Variants in ARHGAP15 observed in about 807,000 individuals in gnomAD.
ARHGAP15 encodes Rho GTPase activating protein 15, also known as rho GTPase-activating protein 15.
ARHGAP15 carries 51 observed loss-of-function variants against 63.7 expected under a neutral mutation model. That is an observed-to-expected ratio of 0.80 (90% CI 0.64 to 1.01). ARHGAP15 has a LOEUF of 1.01. Ranked by LOEUF, ARHGAP15 falls within the 50% of genes least tolerant of loss-of-function variation. The pLI is 0.00. For synonymous variants in ARHGAP15, 191 were observed against 193.8 expected (o/e 0.99, Z 0.12); for missense variants, 560 against 564.6 (o/e 0.99, Z 0.08).
chr2:143,724,585 G>C (rs993364372), intron 13 of ARHGAP15, among the ~76,000 whole-genome samples: 5 of 152,134 alleles, frequency 3.3e-5, no homozygotes, highest in Non-Finnish European at 2.9e-5. Context: ...TCAAGCAATA[G>C]GAGGTATTTA....
intron 12 of ARHGAP15, among the ~76,000 whole-genome samples, chr2:143,677,323 G>A (rs1269970319): frequency 6.6e-6 from 1 of 152,206 alleles, no homozygotes; most frequent in East Asian, 1.9e-4. Context: ...AATGTGTATT[G>A]TTTATCTTTT....
chr2:143,727,452 T>A (rs2105476291), intron 13 of ARHGAP15, among the ~76,000 whole-genome samples: 1 of 146,664 alleles, frequency 6.8e-6, no homozygotes, highest in South Asian at 2.1e-4. Context: ...TAACCTCAGG[T>A]TCTTTTGTTT....
At position 143,264,808 on chromosome 2, in the gene ARHGAP15, C is replaced by T. The variant is rs145116284; in HGVS notation, c.474+14208C>T. Among the ~76,000 whole-genome samples, 125 of 151,988 alleles carry T rather than the reference C, an allele frequency of 8.2e-4. 1 individual carries two copies. The highest frequency in any genetic ancestry group is 2.9e-3 in the African/African-American group (120 of 41,440). ...GACATATTTGAAAGTCAAGTTCAACCGGTATTAACGGACCTTGGAAAAAAG... is the reference window on the plus strand; with the variant it reads ...GACATATTTGAAAGTCAAGTTCAACTGGTATTAACGGACCTTGGAAAAAAG... On this transcript the variant is annotated intron_variant, in intron 6 of 13. Transcript: ENST00000295095.
chr2:143,383,294 G>T (rs1687134631), intron 6 of ARHGAP15, among the ~76,000 whole-genome samples: 1 of 152,116 alleles, frequency 6.6e-6, no homozygotes, highest in Non-Finnish European at 1.5e-5. Flanking sequence ...TTGGAAAATG[G>T]AGGAAAATAG....
chr2:143,525,767 G>A (rs1025492353), intron 10 of ARHGAP15, among the ~76,000 whole-genome samples: 12 of 152,016 alleles, frequency 7.9e-5, no homozygotes, highest in Admixed American at 2.0e-4. Flanking sequence ...TTTAGGGCTC[G>A]AGGGGAAGAC....
At chr2:143,668,791 T>C (rs996060674) in intron 12 of ARHGAP15, among the ~76,000 whole-genome samples, 4 of 152,322 alleles carry the variant, frequency 2.6e-5, no homozygotes, top group East Asian at 3.9e-4. Flanking sequence ...ACATAGACAA[T>C]TCCAATGAAA....
intron 6 of ARHGAP15, among the ~76,000 whole-genome samples, chr2:143,311,999 T>C (rs536984587): frequency 4.6e-5 from 7 of 152,242 alleles, no homozygotes; most frequent in African/African-American, 1.2e-4. Flanking sequence ...GCCACTGCCA[T>C]ACATGATTAC....
intron 1 of ARHGAP15, among the ~76,000 whole-genome samples, chr2:143,149,055 T>C (rs1337992117): frequency 6.6e-6 from 1 of 151,934 alleles, no homozygotes; most frequent in Non-Finnish European, 1.5e-5. Context: ...ACAGACTTGT[T>C]CTACCACAGA....
At chr2:143,745,501 G>A (rs1212347371) in intron 13 of ARHGAP15, among the ~76,000 whole-genome samples, 1 of 152,164 alleles carries the variant, frequency 6.6e-6, no homozygotes, top group South Asian at 2.1e-4. Context: ...AAGAGATGGA[G>A]ACTCATGTCT....
At chr2:143,735,358 G>A (rs935736189) in intron 13 of ARHGAP15, among the ~76,000 whole-genome samples, 4 of 152,266 alleles carry the variant, frequency 2.6e-5, no homozygotes, top group South Asian at 4.1e-4. Flanking sequence ...GACTTTGGGC[G>A]TGACTAGATT....
At position 143,270,578 on chromosome 2, in the gene ARHGAP15, T is replaced by C. The variant is rs548986985; in HGVS notation, c.474+19978T>C. Among the ~76,000 whole-genome samples, 6 of 152,382 alleles carry C rather than the reference T, an allele frequency of 3.9e-5. No individual in the cohort carries two copies. In the East Asian group the frequency reaches 7.7e-4, roughly 20 times the overall value. Reference sequence around the variant, plus strand: ...GGTAATTAATGAATTGCTCTTCTAATGTTTCGTGATGCTTATTTGTAATTA... The same window carrying C: ...GGTAATTAATGAATTGCTCTTCTAACGTTTCGTGATGCTTATTTGTAATTA... On this transcript the variant is annotated intron_variant, in intron 6 of 13. Transcript: ENST00000295095.
intron 6 of ARHGAP15, 187 bp from the exon 7 acceptor site, chr2:143,435,414 G>A (rs2271773): frequency 0.08 from 95,126 of 1,196,132 alleles, 4,531 homozygotes; most frequent in African/African-American, 0.21. Context: ...TTGTTATGAC[G>A]TGAAAAACAG....
chr2:143,464,346 TAAAG>T (rs1691103036), intron 8 of ARHGAP15, among the ~76,000 whole-genome samples: 1 of 152,116 alleles, frequency 6.6e-6, no homozygotes, highest in Non-Finnish European at 1.5e-5. Flanking sequence ...TTGATAGAAA[TAAAG>T]AATAGACTGA....
chr2:143,641,974 G>A (rs1010899625), intron 12 of ARHGAP15, among the ~76,000 whole-genome samples: 9 of 152,042 alleles, frequency 5.9e-5, no homozygotes, highest in Non-Finnish European at 1.2e-4. Context: ...AGGAAGGTTA[G>A]ATAATGGCCC....
At chr2:143,532,367 TA>T (rs1440009885) in intron 10 of ARHGAP15, among the ~76,000 whole-genome samples, 1 of 152,212 alleles carries the variant, frequency 6.6e-6, no homozygotes, top group Non-Finnish European at 1.5e-5. Context: ...AAGCTTCTTG[TA>T]ATGTTTCCTC....
intron 10 of ARHGAP15, among the ~76,000 whole-genome samples, chr2:143,536,641 G>A (rs1353825548): frequency 1.3e-5 from 2 of 150,644 alleles, no homozygotes; most frequent in Non-Finnish European, 2.9e-5. Context: ...TTTTGTCCTT[G>A]CAATAGTTTG....
chr2:143,705,471 T>C (rs1684287903), intron 13 of ARHGAP15, among the ~76,000 whole-genome samples: 1 of 152,174 alleles, frequency 6.6e-6, no homozygotes, highest in Non-Finnish European at 1.5e-5. Context: ...ATCTTGTGGT[T>C]ATGAGAATTA....
intron 13 of ARHGAP15, among the ~76,000 whole-genome samples, chr2:143,744,219 C>A (rs1222512952): frequency 6.6e-6 from 1 of 152,162 alleles, no homozygotes; most frequent in Non-Finnish European, 1.5e-5. Flanking sequence ...AGGAATAATA[C>A]AAAAGGAGAG....
At chr2:143,753,934 T>C (rs1178258256) in intron 13 of ARHGAP15, among the ~76,000 whole-genome samples, 1 of 152,224 alleles carries the variant, frequency 6.6e-6, no homozygotes, top group Non-Finnish European at 1.5e-5. Context: ...TTTGCCTTCA[T>C]CTTCTTGTCC....
Sources: allele counts gnomAD v4.1 joint callset (sites outside exome capture counted in the v4.1 genomes callset), GRCh38; gene constraint gnomAD v4.1.1; transcripts MANE v1.5; gene names NCBI Gene and HGNC (gene_info 2026-07-23, HGNC 2026-07-21).